Variants in CSMD1 observed in about 807,000 individuals in gnomAD.
CSMD1 encodes CUB and sushi domain-containing protein 1.
In CSMD1, 213 loss-of-function variants were observed where a neutral mutation model predicts 417.5. The ratio of observed to expected loss-of-function variants is 0.51; its 90% CI spans 0.46 to 0.57. The LOEUF is 0.57. Ranked by LOEUF, CSMD1 falls within the 20% of genes least tolerant of loss-of-function variation. The pLI is 0.00. For missense variants in CSMD1, 6,923 were observed against 4,529.7 expected (o/e 1.53, Z -15.17); for synonymous variants, 2,862 against 1,736.8 (o/e 1.65, Z -16.11).
intron 1 of CSMD1, among the ~76,000 whole-genome samples, chr8:4,657,899 TA>T (rs978489033): frequency 6.6e-6 from 1 of 151,986 alleles, no homozygotes; most frequent in South Asian, 2.1e-4. Flanking sequence ...ATAGAAGTTA[TA>T]AAAAAATACA....
At chr8:3,937,186 C>T (rs1312176648) in intron 5 of CSMD1, among the ~76,000 whole-genome samples, 2 of 152,138 alleles carry the variant, frequency 1.3e-5, no homozygotes, top group African/African-American at 4.8e-5. Flanking sequence ...GGTGAAGATG[C>T]TGTGAACATT....
intron 5 of CSMD1, among the ~76,000 whole-genome samples, chr8:3,764,739 C>CTTTTTTTTTTTT (rs66603480): frequency 1.5e-5 from 2 of 129,788 alleles, no homozygotes; most frequent in African/African-American, 2.9e-5. Flanking sequence ...TTTTCTCTTT[C>CTTTTTTTTTTTT]TTTTTTTTTT....
intron 3 of CSMD1, among the ~76,000 whole-genome samples, chr8:4,334,680 G>C (rs1800067383): frequency 6.6e-6 from 1 of 152,052 alleles, no homozygotes; most frequent in Non-Finnish European, 1.5e-5. Context: ...AATCCTCAAA[G>C]CCTATACTGC....
chr8:3,731,809 T>A (rs1017399706), intron 6 of CSMD1, among the ~76,000 whole-genome samples: 3 of 152,110 alleles, frequency 2.0e-5, no homozygotes, highest in African/African-American at 7.2e-5. Flanking sequence ...ACATGTGATG[T>A]TTCATTTACT....
chr8:4,031,883 C>G, intron 4 of CSMD1, 22 bp downstream of exon 4: 1 of 1,585,692 alleles, frequency 6.3e-7, no homozygotes, highest in Non-Finnish European at 8.6e-7. Flanking sequence ...GTCTGCTCAC[C>G]AGCCCCCTTG....
At chr8:4,406,751 C>G (rs1050374848) in intron 3 of CSMD1, among the ~76,000 whole-genome samples, 8 of 152,004 alleles carry the variant, frequency 5.3e-5, no homozygotes, top group African/African-American at 1.9e-4. Context: ...TGTTTGCCAA[C>G]AAAGAAAAAA....
intron 3 of CSMD1, among the ~76,000 whole-genome samples, chr8:4,043,290 A>G (rs7003625): frequency 0.28 from 42,112 of 152,114 alleles, 5,979 homozygotes; most frequent in Admixed American, 0.32. Context: ...AAAGTACCCA[A>G]TCCAACAAAA....
chr8:4,245,643 G>C lies in CSMD1; in HGVS notation c.415+174310C>G, dbSNP rs143465437. Among the ~76,000 whole-genome samples the C allele has an allele frequency of 3.8e-3, 583 of 152,166 alleles. 6 individuals are homozygous for C. The highest frequency in any genetic ancestry group is 0.013 in the African/African-American group (556 of 41,508). On this transcript the variant is annotated intron_variant, in intron 3 of 69. Coordinates refer to ENST00000635120, the MANE Select transcript of CSMD1 (RefSeq NM_033225.6). ...GTCATAATCAAACCAAGGAAATCTT[G>C]AATTCAGATAACCAATCTACCCCAT...
At chr8:3,895,130 C>T (rs1251489585) in intron 5 of CSMD1, among the ~76,000 whole-genome samples, 4 of 152,160 alleles carry the variant, frequency 2.6e-5, no homozygotes, top group African/African-American at 9.7e-5. Context: ...ATTCATGAAT[C>T]ACCTAGACAT....
intron 8 of CSMD1, among the ~76,000 whole-genome samples, chr8:3,612,628 T>C (rs2117144936): frequency 6.6e-6 from 1 of 152,278 alleles, no homozygotes; most frequent in East Asian, 1.9e-4. Context: ...TGCAGATTCT[T>C]AGAAAATGTT....
chr8:4,951,412 TC>T (rs1406026652), intron 1 of CSMD1, among the ~76,000 whole-genome samples: 1 of 147,430 alleles, frequency 6.8e-6, no homozygotes, highest in African/African-American at 2.5e-5. Context: ...TTTACTACCT[TC>T]TATTAAAAAA....
chr8:4,507,702 G>C (rs771962050), intron 2 of CSMD1, among the ~76,000 whole-genome samples: 9 of 152,284 alleles, frequency 5.9e-5, no homozygotes, highest in South Asian at 4.1e-4. Flanking sequence ...TCACCAGGCT[G>C]AAGAGAAAAT....
At chr8:4,452,386 G>A (rs953764981) in intron 2 of CSMD1, among the ~76,000 whole-genome samples, 4 of 152,248 alleles carry the variant, frequency 2.6e-5, no homozygotes, top group Non-Finnish European at 4.4e-5. Flanking sequence ...GCGTAGCCTC[G>A]AGGGCTTGGG....
intron 5 of CSMD1, among the ~76,000 whole-genome samples, chr8:3,852,052 T>C (rs1803946796): frequency 6.6e-6 from 1 of 152,024 alleles, no homozygotes; most frequent in African/African-American, 2.4e-5. Flanking sequence ...AAAATAAGAA[T>C]GGTTGAGGCA....
chr8:4,751,390 C>T (rs1011138840), intron 1 of CSMD1, among the ~76,000 whole-genome samples: 1 of 142,364 alleles, frequency 7.0e-6, no homozygotes, highest in African/African-American at 2.7e-5. Flanking sequence ...GACTCTGTCT[C>T]AGGGGGGGTG....
chr8:3,384,905 A>G (rs1372384685), intron 18 of CSMD1, among the ~76,000 whole-genome samples: 1 of 122,196 alleles, frequency 8.2e-6, no homozygotes, highest in Non-Finnish European at 1.6e-5. Flanking sequence ...TATATTATAT[A>G]TGCTTATATA....
chr8:3,065,331 C>T (rs150956157), intron 49 of CSMD1, among the ~76,000 whole-genome samples: 1,779 of 148,392 alleles, frequency 0.012, 39 homozygotes, highest in African/African-American at 0.041. Flanking sequence ...AGACAGACAA[C>T]AGATAGAAAG....
At chr8:4,258,076 T>C (rs1803588276) in intron 3 of CSMD1, among the ~76,000 whole-genome samples, 1 of 151,866 alleles carries the variant, frequency 6.6e-6, no homozygotes, top group African/African-American at 2.4e-5. Flanking sequence ...CCCTAGTAAC[T>C]GGGACTACAG....
intron 5 of CSMD1, among the ~76,000 whole-genome samples, chr8:3,784,511 G>A (rs551087963): frequency 1.3e-5 from 2 of 152,132 alleles, no homozygotes; most frequent in East Asian, 1.9e-4. Flanking sequence ...GGACTTGCTA[G>A]AATCCTCAAT....
Sources: gnomAD v4.1 joint callset for allele counts (sites outside exome capture counted in the v4.1 genomes callset) on GRCh38, gnomAD v4.1.1 for gene constraint, MANE v1.5 for transcripts, NCBI Gene and HGNC (gene_info 2026-07-23, HGNC 2026-07-21) for gene names.